The following FAM81A variants were observed in gnomAD, a reference collection of about 807,000 sequenced individuals.
FAM81A encodes family with sequence similarity 81 member A, also known as protein FAM81A.
Under a neutral mutation model 46.7 loss-of-function variants are expected in FAM81A, and 19 were observed. The observed-to-expected ratio is 0.41, with a 90% confidence interval of 0.28 to 0.60. FAM81A has a LOEUF of 0.60. Among genes scored for constraint, FAM81A ranks in the 20% least tolerant of loss-of-function variants. The pLI is 0.34. For missense variants in FAM81A, 377 were observed against 453.5 expected, an observed-to-expected ratio of 0.83 and a Z score of 1.53; for synonymous variants, 183 against 152.9, an observed-to-expected ratio of 1.20 and a Z score of -1.45.
chr15:59,412,448 G>A (rs1414978877), intron 2 of FAM81A, among the ~76,000 whole-genome samples: 7 of 152,118 alleles, frequency 4.6e-5, no homozygotes, highest in African/African-American at 9.7e-5. Context: ...GTTACAAGCC[G>A]GGCACAGTGG....
chr15:59,478,667 A>G (rs754317858), intron 3 of FAM81A, among the ~76,000 whole-genome samples: 2 of 152,118 alleles, frequency 1.3e-5, no homozygotes, highest in Non-Finnish European at 2.9e-5. Context: ...TTTTCATTCT[A>G]CCCACTAGAT....
At chr15:59,474,108 G>A (rs2081734806) in intron 3 of FAM81A, among the ~76,000 whole-genome samples, 1 of 152,038 alleles carries the variant, frequency 6.6e-6, no homozygotes, top group East Asian at 1.9e-4. Flanking sequence ...AGTGTATCCT[G>A]GACACTGAAC....
At chr15:59,450,036 C>T (rs1454399941) in intron 1 of FAM81A, among the ~76,000 whole-genome samples, 1 of 151,190 alleles carries the variant, frequency 6.6e-6, no homozygotes, top group African/African-American at 2.4e-5. Flanking sequence ...GATCCTCCCA[C>T]CTCAGCCTCC....
rs774780213 is a variant in FAM81A, at chr15:59,508,854, C to A, written c.544-9C>A. Reference sequence around the variant, plus strand: ...GATGTGATATTTATAAGCAAGATTTCTTTTCCAGATTTCTCAGCTTTTGAA... The same window carrying A: ...GATGTGATATTTATAAGCAAGATTTATTTTCCAGATTTCTCAGCTTTTGAA... On this transcript the variant is annotated splice_polypyrimidine_tract_variant and intron_variant, in intron 5 of 8. Transcript: ENST00000288228. 1.1e-5 allele frequency: 18 copies of A among 1,605,790 alleles called. 1 individual carries two copies. The South Asian group carries it at 1.8e-4, about 16-fold the overall frequency.
chr15:59,408,457 G>A (rs1392375109), intron 2 of FAM81A, among the ~76,000 whole-genome samples: 1 of 152,178 alleles, frequency 6.6e-6, no homozygotes. Context: ...CACTTTGGGA[G>A]GCTGAGGCGG....
chr15:59,502,484 ACT>A (rs1491575019), intron 4 of FAM81A, among the ~76,000 whole-genome samples: 1 of 80,508 alleles, frequency 1.2e-5, no homozygotes, highest in African/African-American at 4.2e-5. Context: ...AGTTGACTTC[ACT>A]GTGTGTGTGT....
intron 2 of FAM81A, among the ~76,000 whole-genome samples, chr15:59,419,539 C>G (rs2081161599): frequency 5.3e-5 from 8 of 152,064 alleles, no homozygotes; most frequent in Admixed American, 5.2e-4. Context: ...ATTACCCTCT[C>G]TTTCATTTCT....
chr15:59,479,524 A>G (rs2081821223), intron 3 of FAM81A, among the ~76,000 whole-genome samples: 1 of 148,912 alleles, frequency 6.7e-6, no homozygotes, highest in Non-Finnish European at 1.5e-5. Context: ...AATAAGAAAA[A>G]AAAAAAAAAA....
At chr15:59,511,841 G>A (rs1181033534) in intron 6 of FAM81A, among the ~76,000 whole-genome samples, 1 of 151,930 alleles carries the variant, frequency 6.6e-6, no homozygotes, top group Non-Finnish European at 1.5e-5. Context: ...GGTAGAGATG[G>A]GGTTTCACCA....
At chr15:59,508,795 TA>T in intron 5 of FAM81A, 67 bp from the exon 6 acceptor site, 1 of 1,150,246 alleles carries the variant, frequency 8.7e-7, no homozygotes, top group Non-Finnish European at 1.3e-6. Context: ...TATGGCTTAC[TA>T]AATGTTTTCT....
chr15:59,516,859 A>G lies in FAM81A; in HGVS notation c.982+19A>G. The G allele has an allele frequency of 6.4e-7, 1 of 1,566,948 alleles. No individual in the cohort carries two copies. The highest frequency in any genetic ancestry group is 2.3e-5 in the East Asian group (1 of 43,950). The stretch of plus-strand genomic sequence containing the variant: ...AATGCTGGTAGGCCAAAACCAGAAC[A>G]GCTCACGTGCTTTATTTTCTGTTTG... On this transcript the variant is annotated intron_variant, in intron 8 of 8. Coordinates refer to ENST00000288228, the MANE Select transcript of FAM81A (RefSeq NM_152450.3).
intron 2 of FAM81A, among the ~76,000 whole-genome samples, chr15:59,432,944 C>A (rs55988532): frequency 0.63 from 92,438 of 147,256 alleles, 29,583 homozygotes; most frequent in African/African-American, 0.79. Context: ...GACCATCCTC[C>A]CTAACACGGT....
intron 3 of FAM81A, among the ~76,000 whole-genome samples, chr15:59,473,879 G>A (rs558764128): frequency 2.6e-4 from 40 of 152,240 alleles, no homozygotes; most frequent in African/African-American, 9.4e-4. Context: ...GTCTTGCTAT[G>A]TTGCCCAGGC....
At chr15:59,497,938 G>T (rs180732393) in intron 4 of FAM81A, among the ~76,000 whole-genome samples, 48 of 152,248 alleles carry the variant, frequency 3.2e-4, no homozygotes, top group African/African-American at 1.1e-3. Context: ...ATTCCCTGCA[G>T]TTTGAACTCT....
intron 4 of FAM81A, among the ~76,000 whole-genome samples, chr15:59,494,378 G>C (rs906938158): frequency 2.0e-5 from 3 of 152,174 alleles, no homozygotes; most frequent in Non-Finnish European, 4.4e-5. Flanking sequence ...TGAGAGGCTT[G>C]GTGCCCTGCA....
At chr15:59,421,520 G>C (rs2081171347) in intron 2 of FAM81A, among the ~76,000 whole-genome samples, 1 of 152,096 alleles carries the variant, frequency 6.6e-6, no homozygotes. Flanking sequence ...AGCCTCTCCC[G>C]AATTTCTGCT....
rs76060858 is a variant in FAM81A, at chr15:59,517,957, T to C, written c.982+1117T>C. ...CATTTTCTTTATTACAAAGACAATA[T>C]ATTTCTTCTTTCTTCCTTTTTTTTT... On this transcript the variant is annotated intron_variant, in intron 8 of 8. Coordinates refer to ENST00000288228, the MANE Select transcript of FAM81A (RefSeq NM_152450.3). Among the ~76,000 whole-genome samples the C allele has an allele frequency of 1.4e-3, 207 of 151,870 alleles. 1 individual carries two copies. Among genetic ancestry groups the C allele is most frequent in the African/African-American group, 4.6e-3 (190 of 41,432 alleles).
At chr15:59,399,332 A>G (rs1293484658) in intron 1 of FAM81A, among the ~76,000 whole-genome samples, 2 of 152,210 alleles carry the variant, frequency 1.3e-5, no homozygotes, top group Non-Finnish European at 2.9e-5. Context: ...AAATGGTCTC[A>G]TCCAGCTGCA....
Position 59,447,549 on chromosome 15 carries a change from C to T in FAM81A, c.-78+9267C>T, listed in dbSNP as rs192799152. ...TTCCTTTGCACATAATTTGGAGGCA[C>T]TTCCTCAATTGGGACAGTGTGGTTA... On this transcript the variant is annotated intron_variant, in intron 1 of 8. Transcript: ENST00000288228. 4.1e-3 allele frequency among the ~76,000 whole-genome samples: 621 copies of T among 152,308 alleles called. 4 individuals carry two copies. Among genetic ancestry groups the T allele is most frequent in the Non-Finnish European group, 6.1e-3 (418 of 68,028 alleles).
Sources: allele counts gnomAD v4.1 joint callset (sites outside exome capture counted in the v4.1 genomes callset), GRCh38; gene constraint gnomAD v4.1.1; transcripts MANE v1.5; gene names NCBI Gene and HGNC (gene_info 2026-07-23, HGNC 2026-07-21).